Variants in THSD4 observed in about 807,000 individuals in gnomAD.
THSD4 encodes thrombospondin type-1 domain-containing protein 4.
Under a neutral mutation model 119.0 loss-of-function variants are expected in THSD4, and 69 were observed. The observed-to-expected ratio is 0.58, with a 90% CI of 0.48 to 0.71. The LOEUF (loss-of-function observed/expected upper bound fraction) is 0.71. THSD4 is among the 30% of genes least tolerant of loss of function. The pLI is 0.00. For synonymous variants in THSD4, 524 were observed against 540.4 expected, an observed-to-expected ratio of 0.97 and a Z score of 0.42; for missense variants, 1,393 against 1,391.1, an observed-to-expected ratio of 1.00 and a Z score of -0.02.
intron 6 of THSD4, among the ~76,000 whole-genome samples, chr15:71,370,565 G>C (rs867256446): frequency 4.6e-5 from 7 of 152,320 alleles, no homozygotes; most frequent in African/African-American, 1.7e-4. Context: ...GGAGCAGGTT[G>C]TTCAGTTTCC....
intron 7 of THSD4, among the ~76,000 whole-genome samples, chr15:71,521,410 TTCATCCC>T (rs2048439031): frequency 6.6e-6 from 1 of 152,222 alleles, no homozygotes; most frequent in Non-Finnish European, 1.5e-5. Context: ...TTGAATTCAT[TTCATCCC>T]TTTAAAAAAT....
chr15:71,543,385 C>G (rs1416528805), intron 7 of THSD4, among the ~76,000 whole-genome samples: 1 of 151,970 alleles, frequency 6.6e-6, no homozygotes, highest in Non-Finnish European at 1.5e-5. Flanking sequence ...TACATAAAGT[C>G]AAGAAGAGAT....
rs1478075282 is a variant in THSD4 at position 71,302,888 on chromosome 15, AT to A, written c.1015+46175del. On this transcript the variant is annotated intron_variant, in intron 6 of 17. Transcript: ENST00000261862. ...GCCCTACAACCCCCTGCCACTCAAC[AT>A]TATGCAGAGGGCCCAGGAGGGTCTT... 6.6e-5 allele frequency among the ~76,000 whole-genome samples: 10 copies of A among 152,068 alleles called. 1 individual carries two copies. In the South Asian group the frequency reaches 1.9e-3, roughly 29 times the overall value.
At chr15:71,532,283 A>AGAGAGAGAGAGAGAGAGTGTGTGTGTGT (rs1379506089) in intron 7 of THSD4, among the ~76,000 whole-genome samples, 4 of 101,564 alleles carry the variant, frequency 3.9e-5, no homozygotes, top group East Asian at 3.2e-4. Context: ...AGAGAGAGAG[A>AGAGAGAGAGAGAGAGAGTGTGTGTGTGT]GTGTGTGTGT....
Position 71,780,872 on chromosome 15 carries a change from G to A in THSD4, c.*3498G>A. 2 of 445,366 alleles carry A rather than the reference G, an allele frequency of 4.5e-6. No individual in the cohort carries two copies. Among genetic ancestry groups the A allele is most frequent in the South Asian group, 1.6e-5 (1 of 63,408 alleles). 27.6% of individuals were successfully genotyped at this position (445,366 alleles called of 1,614,324 possible). A position where few individuals can be genotyped will look rare whatever the true frequency, so the allele number is the denominator to read the frequency against. ...AAGGGACAGAAAAGAGAAGACACGA[G>A]CTTGGTGTATTTTCATCAAGTTATG... On this transcript the variant is annotated 3_prime_UTR_variant, in exon 18 of 18. Transcript: ENST00000261862.
At chr15:71,267,655 G>A (rs2044478806) in intron 6 of THSD4, among the ~76,000 whole-genome samples, 1 of 152,158 alleles carries the variant, frequency 6.6e-6, no homozygotes, top group Admixed American at 6.5e-5. Context: ...CCAATTAAAA[G>A]ACACAGACTG....
intron 3 of THSD4, among the ~76,000 whole-genome samples, chr15:71,193,011 G>A (rs2043686294): frequency 6.6e-6 from 1 of 152,166 alleles, no homozygotes; most frequent in South Asian, 2.1e-4. Context: ...GGAGAGAAAT[G>A]AGCAGTGGGA....
chr15:71,112,658 G>C (rs1477082702), upstream of THSD4, among the ~76,000 whole-genome samples: 1 of 152,144 alleles, frequency 6.6e-6, no homozygotes, highest in East Asian at 1.9e-4. Context: ...GTAAGCACAG[G>C]CTAGCCTTTG....
At chr15:71,654,474 A>G (rs1168458216) in intron 7 of THSD4, among the ~76,000 whole-genome samples, 5 of 152,208 alleles carry the variant, frequency 3.3e-5, no homozygotes, top group African/African-American at 1.2e-4. Context: ...TGAGCCCTTC[A>G]TACAGAAACT....
At chr15:71,524,587 CTTTTTTTTTTTTTTT>C (rs71438517) in intron 7 of THSD4, among the ~76,000 whole-genome samples, 1 of 59,506 alleles carries the variant, frequency 1.7e-5, no homozygotes, top group Non-Finnish European at 3.1e-5. Flanking sequence ...GTTTATGCCT[CTTTTTTTTTTTTTTT>C]TTTTTTTTTT....
intron 8 of THSD4, among the ~76,000 whole-genome samples, chr15:71,696,361 C>T (rs1171541128): frequency 6.6e-6 from 1 of 152,114 alleles, no homozygotes; most frequent in Non-Finnish European, 1.5e-5. Context: ...GGAACTAACC[C>T]CTTTACACTA....
In THSD4 at chr15:71,736,507, C is replaced by T. The variant is rs568697632; in HGVS notation, c.1631-1225C>T. Among the ~76,000 whole-genome samples the T allele has an allele frequency of 4.6e-5, 7 of 151,808 alleles. No individual in the cohort carries two copies. The Middle Eastern group carries it at 0.014, about 297-fold the overall frequency. ...TCTGTCTCTGTGTCTCTGTCTTGCT[C>T]TCTCTATCTGTGTCTCTGTCTCTCT... On this transcript the variant is annotated intron_variant, in intron 10 of 17. Coordinates refer to ENST00000261862, the MANE Select transcript of THSD4 (RefSeq NM_024817.3).
chr15:71,576,296 A>G (rs1291350833), intron 7 of THSD4, among the ~76,000 whole-genome samples: 2 of 152,192 alleles, frequency 1.3e-5, no homozygotes, highest in Non-Finnish European at 2.9e-5. Flanking sequence ...AGAAAATACT[A>G]CCTGTTAGCA....
chr15:71,714,732 G>C (rs1184111834), intron 8 of THSD4, among the ~76,000 whole-genome samples: 1 of 152,058 alleles, frequency 6.6e-6, no homozygotes, highest in East Asian at 1.9e-4. Context: ...TGTAATCCTA[G>C]CTACTTGGGA....
At chr15:71,240,023 A>G (rs2044138752) in intron 4 of THSD4, among the ~76,000 whole-genome samples, 1 of 152,224 alleles carries the variant, frequency 6.6e-6, no homozygotes, top group Non-Finnish European at 1.5e-5. Context: ...ATTTGCATTC[A>G]TTTCGTCACC....
chr15:71,268,641 C>T (rs368925323), intron 6 of THSD4, among the ~76,000 whole-genome samples: 15 of 147,682 alleles, frequency 1.0e-4, no homozygotes, highest in East Asian at 2.0e-4. Context: ...ACATGAAAAA[C>T]GCTTCAAAAA....
chr15:71,725,838 A>T (rs375598425), intron 8 of THSD4, among the ~76,000 whole-genome samples: 2 of 151,830 alleles, frequency 1.3e-5, no homozygotes, highest in Non-Finnish European at 1.5e-5. Context: ...CTGGAGTGCA[A>T]TGGTGCGATC....
chr15:71,421,350 G>GAAC (rs879846142), intron 7 of THSD4, among the ~76,000 whole-genome samples: 37,829 of 99,850 alleles, frequency 0.38, 8,293 homozygotes, highest in Admixed American at 0.47. Context: ...TGTAGGATAG[G>GAAC]GCTTGTGTTG....
At chr15:71,127,971 A>T (rs1478501923) in intron 1 of THSD4, among the ~76,000 whole-genome samples, 1 of 152,190 alleles carries the variant, frequency 6.6e-6, no homozygotes, top group African/African-American at 2.4e-5. Flanking sequence ...ACAAAAAATT[A>T]TTCCAGGCCA....
Sources: gnomAD v4.1 joint callset for allele counts (sites outside exome capture counted in the v4.1 genomes callset) on GRCh38, gnomAD v4.1.1 for gene constraint, MANE v1.5 for transcripts, NCBI Gene and HGNC (gene_info 2026-07-23, HGNC 2026-07-21) for gene names.